The following MTUS2 variants were observed in gnomAD, a reference collection of about 807,000 sequenced individuals.
MTUS2 encodes microtubule-associated tumor suppressor candidate 2.
MTUS2 carries 40 observed loss-of-function variants against 114.1 expected under a neutral mutation model. The ratio of observed to expected loss-of-function variants is 0.35; its 90% CI spans 0.27 to 0.46. MTUS2 has a LOEUF of 0.46. MTUS2 is among the 20% of genes least tolerant of loss of function. The pLI, the probability that MTUS2 is intolerant of heterozygous loss-of-function variation, is 1.00. For missense variants in MTUS2, 1,679 were observed against 1,705.4 expected (o/e 0.98, Z 0.27); for synonymous variants, 688 against 672.0 (o/e 1.02, Z -0.37).
intron 1 of MTUS2, among the ~76,000 whole-genome samples, chr13:28,825,170 C>G (rs1438563671): frequency 1.3e-5 from 2 of 152,112 alleles, no homozygotes; most frequent in Admixed American, 6.5e-5. Flanking sequence ...GGTATGGTGG[C>G]TTGGAACTGA....
At chr13:28,875,758 T>C (rs1245662443) in intron 2 of MTUS2, among the ~76,000 whole-genome samples, 6 of 152,246 alleles carry the variant, frequency 3.9e-5, no homozygotes, top group African/African-American at 1.2e-4. Flanking sequence ...AAATGGTTTC[T>C]ATTTATTGAT....
intron 6 of MTUS2, among the ~76,000 whole-genome samples, chr13:29,287,285 G>T (rs1244789563): frequency 1.3e-5 from 2 of 152,226 alleles, no homozygotes; most frequent in Admixed American, 1.3e-4. Context: ...AAGGGGGATG[G>T]TGTGAAGCAG....
chr13:28,939,234 T>A (rs549717319), intron 2 of MTUS2, among the ~76,000 whole-genome samples: 1 of 152,330 alleles, frequency 6.6e-6, no homozygotes, highest in East Asian at 1.9e-4. Context: ...TATTGAAACA[T>A]TGTGTCTTTC....
intron 5 of MTUS2, among the ~76,000 whole-genome samples, chr13:29,204,950 G>A (rs1408654160): frequency 6.6e-6 from 1 of 152,124 alleles, no homozygotes; most frequent in African/African-American, 2.4e-5. Context: ...GATGATCTGG[G>A]GGACCAGGGA....
chr13:29,502,904 C>A, intron 15 of MTUS2, 89 bp from the exon 16 acceptor site: 1 of 1,335,322 alleles, frequency 7.5e-7, no homozygotes, highest in Non-Finnish European at 1.1e-6. Flanking sequence ...TCATCATGGC[C>A]TCCTCCCTTT....
At chr13:29,152,354 G>A (rs891184653) in intron 5 of MTUS2, among the ~76,000 whole-genome samples, 3 of 152,052 alleles carry the variant, frequency 2.0e-5, no homozygotes, top group Admixed American at 1.3e-4. Flanking sequence ...GAGACTAATC[G>A]GTGTGTGACT....
chr13:29,008,683 T>A (rs976939558), intron 2 of MTUS2, among the ~76,000 whole-genome samples: 6 of 152,256 alleles, frequency 3.9e-5, no homozygotes, highest in Non-Finnish European at 8.8e-5. Context: ...AAATACTCGC[T>A]TTTACTGTTC....
chr13:29,087,471 A>T (rs1889743577), intron 4 of MTUS2, among the ~76,000 whole-genome samples: 1 of 152,168 alleles, frequency 6.6e-6, no homozygotes, highest in Non-Finnish European at 1.5e-5. Context: ...GTGGTGGATT[A>T]GCTTTTTGAT....
intron 8 of MTUS2, among the ~76,000 whole-genome samples, chr13:29,389,543 A>G (rs111205456): frequency 0.17 from 15,836 of 91,894 alleles, 3,695 homozygotes; most frequent in African/African-American, 0.36. Context: ...ACACGTGTGT[A>G]TATGTATACA....
chr13:29,106,358 TTA>T (rs1228406476), intron 5 of MTUS2, among the ~76,000 whole-genome samples: 2 of 152,182 alleles, frequency 1.3e-5, no homozygotes, highest in African/African-American at 2.4e-5. Flanking sequence ...AAAATCAGCA[TTA>T]TGTCATGCCT....
chr13:29,230,209 G>C (rs1896271391), intron 5 of MTUS2, among the ~76,000 whole-genome samples: 1 of 152,184 alleles, frequency 6.6e-6, no homozygotes, highest in South Asian at 2.1e-4. Flanking sequence ...TCACGCCACT[G>C]CGCCCCAGCC....
At position 29,198,114 on chromosome 13, in the gene MTUS2, T is replaced by G. The variant is rs9550448; in HGVS notation, c.2645-83590T>G. On this transcript the variant is annotated intron_variant, in intron 5 of 15. Coordinates refer to ENST00000612955, the MANE Select transcript of MTUS2 (RefSeq NM_001033602.4). ...AATTTTGGCTTTTGTTGCCATTGCT[T>G]TTGGTGTTTTAGTCATGAAGTTTTT... 4.6e-5 allele frequency among the ~76,000 whole-genome samples: 7 copies of G among 152,342 alleles called. No individual in the cohort carries two copies. In the East Asian group the frequency reaches 1.2e-3, roughly 25 times the overall value.
chr13:29,273,055 G>C (rs1241459683), intron 5 of MTUS2, among the ~76,000 whole-genome samples: 1 of 152,192 alleles, frequency 6.6e-6, no homozygotes, highest in Non-Finnish European at 1.5e-5. Context: ...ATTCATGAGG[G>C]AAGAGCCCTC....
chr13:29,235,003 T>C (rs1282282636), intron 5 of MTUS2, among the ~76,000 whole-genome samples: 1 of 152,220 alleles, frequency 6.6e-6, no homozygotes, highest in Non-Finnish European at 1.5e-5. Context: ...TGCATATTGT[T>C]AATGATATTT....
rs201299646 is a variant in MTUS2, at chr13:29,480,409, G to A, written c.3399+45G>A. The A allele has an allele frequency of 2.6e-5, 38 of 1,466,076 alleles. No individual in the cohort carries two copies. The African/African-American group carries it at 2.7e-4, about 10-fold the overall frequency. 90.8% of individuals were successfully genotyped at this position (1,466,076 alleles called of 1,614,324 possible). A position where few individuals can be genotyped will look rare whatever the true frequency, so the allele number is the denominator to read the frequency against. ...CGAGCTCTGCTGTTGGGTGATGCAG[G>A]TGGCGGGCGGCGGGGATCCAGTGCC... On this transcript the variant is annotated intron_variant, in intron 10 of 15. Transcript: ENST00000612955. The surrounding 1 kb of genome is among the most constrained non-coding windows in gnomAD (Gnocchi z 4.4).
chr13:29,401,915 A>G (rs1320473725), intron 8 of MTUS2, among the ~76,000 whole-genome samples: 1 of 152,164 alleles, frequency 6.6e-6, no homozygotes, highest in Non-Finnish European at 1.5e-5. Flanking sequence ...ATTGCACCGG[A>G]TTTGTATATT....
chr13:29,043,675 T>A, intron 4 of MTUS2, among the ~76,000 whole-genome samples: 1 of 149,406 alleles, frequency 6.7e-6, no homozygotes, highest in Non-Finnish European at 1.5e-5. Flanking sequence ...CCTGTTGGAC[T>A]AGTCCTTTTA....
At chr13:29,179,640 AAAT>A (rs1893917014) in intron 5 of MTUS2, among the ~76,000 whole-genome samples, 2 of 110,514 alleles carry the variant, frequency 1.8e-5, no homozygotes, top group South Asian at 6.8e-4. Context: ...TTTCTTAAAC[AAAT>A]TAAAAACAAA....
chr13:29,466,086 C>A (rs1202007348), intron 9 of MTUS2, among the ~76,000 whole-genome samples: 2 of 152,230 alleles, frequency 1.3e-5, no homozygotes, highest in Non-Finnish European at 2.9e-5. Context: ...AGGGGTGTGG[C>A]TTTCCAATGC....
Sources: allele counts gnomAD v4.1 joint callset (sites outside exome capture counted in the v4.1 genomes callset), GRCh38; gene constraint gnomAD v4.1.1; non-coding constraint Gnocchi (gnomAD v3.1); transcripts MANE v1.5; gene names NCBI Gene and HGNC (gene_info 2026-07-23, HGNC 2026-07-21).